Variants in CNTNAP2 observed in about 807,000 individuals in gnomAD.
CNTNAP2 encodes the protein contactin associated protein 2.
In CNTNAP2, 98 loss-of-function variants were observed where a neutral mutation model predicts 155.2. The observed-to-expected ratio is 0.63, with a 90% CI of 0.54 to 0.75. CNTNAP2 has a LOEUF of 0.75. Among genes scored for constraint, CNTNAP2 ranks in the 30% least tolerant of loss-of-function variants. The probability of loss-of-function intolerance (pLI) is 0.00; values close to 1 mark genes in which losing one functional copy is unlikely to be tolerated. For missense variants in CNTNAP2, 1,727 were observed against 1,688.1 expected, an observed-to-expected ratio of 1.02 and a Z score of -0.40; for synonymous variants, 651 against 631.2, an observed-to-expected ratio of 1.03 and a Z score of -0.47.
intron 20 of CNTNAP2, among the ~76,000 whole-genome samples, chr7:148,243,950 T>C (rs1487583047): frequency 2.0e-5 from 3 of 152,190 alleles, no homozygotes; most frequent in African/African-American, 7.2e-5. Flanking sequence ...GCCCACTGTG[T>C]ATATATAGGT....
At chr7:146,548,046 A>G (rs987456929) in intron 1 of CNTNAP2, among the ~76,000 whole-genome samples, 2 of 151,794 alleles carry the variant, frequency 1.3e-5, no homozygotes, top group African/African-American at 4.8e-5. Flanking sequence ...TTTGTCATAC[A>G]GATTATTTCA....
intron 16 of CNTNAP2, among the ~76,000 whole-genome samples, chr7:148,134,556 G>A (rs1363374687): frequency 6.6e-6 from 1 of 152,090 alleles, no homozygotes; most frequent in Non-Finnish European, 1.5e-5. Flanking sequence ...ATCTTCTCAA[G>A]TTTCTAAAAA....
intron 13 of CNTNAP2, among the ~76,000 whole-genome samples, chr7:147,647,570 G>A (rs1295234126): frequency 6.6e-6 from 1 of 152,060 alleles, no homozygotes; most frequent in African/African-American, 2.4e-5. Context: ...GCTATTCATG[G>A]CTTTTCTTGC....
chr7:147,495,948 A>T (rs1459439154), intron 11 of CNTNAP2, among the ~76,000 whole-genome samples: 12 of 152,126 alleles, frequency 7.9e-5, no homozygotes, highest in Non-Finnish European at 4.4e-5. Context: ...CACGGGCAGC[A>T]TCAGATTCTC....
intron 13 of CNTNAP2, among the ~76,000 whole-genome samples, chr7:147,839,440 G>A (rs189274726): frequency 1.3e-5 from 2 of 152,314 alleles, no homozygotes; most frequent in East Asian, 1.9e-4. Flanking sequence ...ATCACAGTGA[G>A]GCTGGGTGGC....
At chr7:147,470,092 T>C (rs1268389116) in intron 10 of CNTNAP2, among the ~76,000 whole-genome samples, 1 of 152,176 alleles carries the variant, frequency 6.6e-6, no homozygotes, top group Admixed American at 6.5e-5. Context: ...TAGACCATTG[T>C]AAGCTTTCTT....
intron 3 of CNTNAP2, among the ~76,000 whole-genome samples, chr7:146,958,355 T>A (rs920964206): frequency 5.3e-5 from 8 of 151,640 alleles, no homozygotes; most frequent in Non-Finnish European, 1.2e-4. Context: ...GCATCTAAAA[T>A]TTTTTTTAAA....
intron 13 of CNTNAP2, among the ~76,000 whole-genome samples, chr7:147,893,529 A>G (rs1799727063): frequency 2.0e-5 from 3 of 152,264 alleles, no homozygotes; most frequent in African/African-American, 7.2e-5. Context: ...TTCCCAGGTC[A>G]GTATATGGCA....
chr7:147,272,202 A>C (rs977005301), intron 8 of CNTNAP2, among the ~76,000 whole-genome samples: 2 of 151,990 alleles, frequency 1.3e-5, no homozygotes, highest in East Asian at 3.9e-4. Context: ...TTGTAATATG[A>C]AATTAGATTG....
intron 13 of CNTNAP2, among the ~76,000 whole-genome samples, chr7:147,754,149 A>G (rs977794282): frequency 6.6e-6 from 1 of 152,218 alleles, no homozygotes. Context: ...ACAAATTGAA[A>G]ATCAAAAAGA....
At chr7:147,662,415 ATAAAAT>A (rs1795626845) in intron 13 of CNTNAP2, among the ~76,000 whole-genome samples, 2 of 152,244 alleles carry the variant, frequency 1.3e-5, no homozygotes, top group African/African-American at 2.4e-5. Context: ...AGAGTAGGAA[ATAAAAT>A]TAAGGTGTAG....
intron 1 of CNTNAP2, among the ~76,000 whole-genome samples, chr7:146,772,335 G>C (rs1462888315): frequency 1.3e-5 from 2 of 151,986 alleles, no homozygotes; most frequent in East Asian, 3.9e-4. Flanking sequence ...TAGTTGCAAA[G>C]GCTTACAGCA....
At chr7:147,651,677 G>T (rs758200199) in intron 13 of CNTNAP2, among the ~76,000 whole-genome samples, 3 of 152,084 alleles carry the variant, frequency 2.0e-5, no homozygotes, top group Non-Finnish European at 4.4e-5. Context: ...GCCAAACAAA[G>T]TTAGAACAAT....
At chr7:146,598,154 G>A (rs180876730) in intron 1 of CNTNAP2, among the ~76,000 whole-genome samples, 2 of 152,158 alleles carry the variant, frequency 1.3e-5, no homozygotes. Flanking sequence ...TGTGTTTCAC[G>A]ACCATTGAAT....
intron 15 of CNTNAP2, among the ~76,000 whole-genome samples, chr7:148,080,871 G>A (rs954877966): frequency 1.3e-5 from 2 of 152,136 alleles, no homozygotes; most frequent in Non-Finnish European, 1.5e-5. Flanking sequence ...TCAAAGCTGT[G>A]TGAATTGTCC....
intron 21 of CNTNAP2, among the ~76,000 whole-genome samples, chr7:148,328,627 A>C (rs1420262601): frequency 6.6e-6 from 1 of 152,106 alleles, no homozygotes; most frequent in Non-Finnish European, 1.5e-5. Flanking sequence ...GGTCACAGAC[A>C]GTTTATTCAA....
At chr7:146,396,995 G>T (rs1795637459) in intron 1 of CNTNAP2, among the ~76,000 whole-genome samples, 1 of 152,010 alleles carries the variant, frequency 6.6e-6, no homozygotes, top group Non-Finnish European at 1.5e-5. Flanking sequence ...TTTGATTAAT[G>T]CAGTACATTT....
At chr7:146,428,661 A>G (rs1796128839) in intron 1 of CNTNAP2, among the ~76,000 whole-genome samples, 1 of 151,742 alleles carries the variant, frequency 6.6e-6, no homozygotes, top group South Asian at 2.1e-4. Context: ...CCTTTGTCAG[A>G]TGGATAGATT....
chr7:147,882,612 G>A (rs575800092), intron 13 of CNTNAP2, among the ~76,000 whole-genome samples: 10 of 152,164 alleles, frequency 6.6e-5, no homozygotes, highest in South Asian at 2.1e-4. Context: ...GAAGGCTTCC[G>A]AGTCTCTCTT....
Sources: allele counts gnomAD v4.1 joint callset (sites outside exome capture counted in the v4.1 genomes callset), GRCh38; gene constraint gnomAD v4.1.1; transcripts MANE v1.5; gene names NCBI Gene and HGNC (gene_info 2026-07-23, HGNC 2026-07-21).